Variants in KCNH7 observed in about 807,000 individuals in gnomAD.
The protein encoded by KCNH7 is potassium voltage-gated channel subfamily H member 7, also known as voltage-gated inwardly rectifying potassium channel KCNH7.
A neutral mutation model predicts 120.8 loss-of-function variants in KCNH7; 49 were observed. The observed-to-expected ratio is 0.41, with a 90% confidence interval of 0.32 to 0.51. The LOEUF (loss-of-function observed/expected upper bound fraction) is 0.51. KCNH7 is among the 20% of genes least tolerant of loss of function. KCNH7 has a pLI of 0.38. For missense variants in KCNH7, 1,097 were observed against 1,446.6 expected (o/e 0.76, Z 3.92); for synonymous variants, 547 against 516.1 (o/e 1.06, Z -0.81).
At chr2:162,748,919 CCCTTT>C (rs1190925682) in intron 2 of KCNH7, among the ~76,000 whole-genome samples, 1 of 43,606 alleles carries the variant, frequency 2.3e-5, no homozygotes, top group Non-Finnish European at 3.5e-5. Context: ...TCCTTCCCTT[CCCTTT>C]CCTTTCCTTC....
intron 4 of KCNH7, among the ~76,000 whole-genome samples, chr2:162,512,944 T>C (rs1292574805): frequency 1.3e-5 from 2 of 151,856 alleles, no homozygotes; most frequent in African/African-American, 2.4e-5. Flanking sequence ...TTTATAATTA[T>C]GACAGTTTGG....
In KCNH7 at chr2:162,535,648, A is replaced by G. The variant is rs370879141; in HGVS notation, c.463+1277T>C. ...AACTTATACAATTAATGTGAATCCA[A>G]TAAAAATATTAAATAATTTTTTGTA... On this transcript the variant is annotated intron_variant, in intron 3 of 15. Coordinates refer to ENST00000332142, the MANE Select transcript of KCNH7 (RefSeq NM_033272.4). 1.3e-4 allele frequency among the ~76,000 whole-genome samples: 19 copies of G among 151,966 alleles called. No homozygotes were observed. The East Asian group carries it at 2.9e-3, about 23-fold the overall frequency.
At position 162,537,085 on chromosome 2, in the gene KCNH7, G is replaced by A; in HGVS notation, c.308-5C>T. On this transcript the variant is annotated splice_polypyrimidine_tract_variant and splice_region_variant and intron_variant, in intron 2 of 15. Coordinates refer to ENST00000332142, the MANE Select transcript of KCNH7 (RefSeq NM_033272.4). ...TGTTACAAATAAAAGTGGACCCTAA[G>A]GAGATTAAAAATGAATGTTAGTTAA... 1 of 1,596,126 alleles carries A rather than the reference G, an allele frequency of 6.3e-7. No homozygotes were observed. Among genetic ancestry groups the A allele is most frequent in the South Asian group, 1.1e-5 (1 of 88,884 alleles).
At chr2:162,426,232 A>G in intron 8 of KCNH7, among the ~76,000 whole-genome samples, 1 of 151,880 alleles carries the variant, frequency 6.6e-6, no homozygotes, top group South Asian at 2.1e-4. Context: ...AAAAAAAAAA[A>G]AAAGTGACCT....
chr2:162,643,366 G>A (rs1897918), intron 2 of KCNH7, among the ~76,000 whole-genome samples: 96,543 of 151,646 alleles, frequency 0.64, 32,284 homozygotes, highest in African/African-American at 0.84. Flanking sequence ...CCAAAAAACA[G>A]AAAACAAAAC....
chr2:162,577,915 T>C (rs552523113), intron 2 of KCNH7, among the ~76,000 whole-genome samples: 54 of 152,196 alleles, frequency 3.5e-4, no homozygotes, highest in Non-Finnish European at 5.6e-4. Context: ...TCCTTCTACA[T>C]AGGCATTGCT....
At chr2:162,724,977 G>T (rs978653032) in intron 2 of KCNH7, among the ~76,000 whole-genome samples, 1 of 152,140 alleles carries the variant, frequency 6.6e-6, no homozygotes, top group Non-Finnish European at 1.5e-5. Context: ...AATGTCTTCT[G>T]AAAAGCTAAG....
chr2:162,804,725 T>G (rs1317003217), intron 2 of KCNH7, among the ~76,000 whole-genome samples: 1 of 151,408 alleles, frequency 6.6e-6, no homozygotes, highest in Non-Finnish European at 1.5e-5. Context: ...AACATCATTT[T>G]TCATAGATTT....
chr2:162,778,852 T>G (rs1462867114), intron 2 of KCNH7, among the ~76,000 whole-genome samples: 3 of 152,178 alleles, frequency 2.0e-5, no homozygotes, highest in African/African-American at 7.2e-5. Context: ...CTGTGTCTAC[T>G]TACAGTAAAT....
chr2:162,511,108 C>A (rs940201518), intron 5 of KCNH7, among the ~76,000 whole-genome samples: 1 of 151,166 alleles, frequency 6.6e-6, no homozygotes, highest in Non-Finnish European at 1.5e-5. Context: ...AAAGAATATC[C>A]GTGTTCAAAG....
At chr2:162,754,268 C>A (rs1688710760) in intron 2 of KCNH7, among the ~76,000 whole-genome samples, 1 of 151,416 alleles carries the variant, frequency 6.6e-6, no homozygotes. Context: ...TGAAACTGTA[C>A]AAGAGTAGTA....
chr2:162,620,871 C>T (rs1369280931), intron 2 of KCNH7, among the ~76,000 whole-genome samples: 1 of 152,080 alleles, frequency 6.6e-6, no homozygotes. Context: ...ATCTCTAATA[C>T]CTAGCATAAG....
intron 6 of KCNH7, among the ~76,000 whole-genome samples, chr2:162,503,274 T>C (rs1248992233): frequency 2.6e-5 from 4 of 152,004 alleles, no homozygotes; most frequent in Admixed American, 6.6e-5. Context: ...TAAATAATAA[T>C]ACTTTTAAAG....
chr2:162,393,257 T>C (rs776229720), intron 12 of KCNH7, among the ~76,000 whole-genome samples: 28 of 151,986 alleles, frequency 1.8e-4, no homozygotes, highest in Admixed American at 1.1e-3. Flanking sequence ...TTAGGAAATG[T>C]TGAGTTCGAG....
chr2:162,623,038 A>G (rs1236319660), intron 2 of KCNH7, among the ~76,000 whole-genome samples: 2 of 152,142 alleles, frequency 1.3e-5, no homozygotes, highest in Non-Finnish European at 2.9e-5. Context: ...TACATTATTC[A>G]TGGTTGAGAT....
intron 2 of KCNH7, among the ~76,000 whole-genome samples, chr2:162,635,390 G>C (rs972476915): frequency 6.6e-6 from 1 of 151,710 alleles, no homozygotes; most frequent in African/African-American, 2.4e-5. Flanking sequence ...TACTTTTTCT[G>C]GTCTCTTTCC....
At chr2:162,526,401 A>T (rs1055845996) in intron 3 of KCNH7, among the ~76,000 whole-genome samples, 3 of 151,860 alleles carry the variant, frequency 2.0e-5, no homozygotes, top group African/African-American at 7.2e-5. Flanking sequence ...ATTAGACGGG[A>T]ATTTCCTCGT....
chr2:162,703,853 A>C (rs1686601501), intron 2 of KCNH7, among the ~76,000 whole-genome samples: 1 of 152,182 alleles, frequency 6.6e-6, no homozygotes, highest in Non-Finnish European at 1.5e-5. Flanking sequence ...CTTCTGAGAC[A>C]CAATATATGA....
intron 6 of KCNH7, among the ~76,000 whole-genome samples, chr2:162,456,116 C>T (rs1260641354): frequency 1.3e-5 from 2 of 152,030 alleles, no homozygotes; most frequent in South Asian, 2.1e-4. Flanking sequence ...AACTGTGTCC[C>T]AGAGATTCTG....
Sources: gnomAD v4.1 joint callset for allele counts (sites outside exome capture counted in the v4.1 genomes callset) on GRCh38, gnomAD v4.1.1 for gene constraint, MANE v1.5 for transcripts, NCBI Gene and HGNC (gene_info 2026-07-23, HGNC 2026-07-21) for gene names.